PARM1: variants seen among roughly 807,000 people sequenced by gnomAD.
PARM1 encodes WSC4, cell wall integrity and stress response component 4 homolog.
A neutral mutation model predicts 24.6 loss-of-function variants in PARM1; 14 were observed. The observed-to-expected ratio is 0.57, with a 90% CI of 0.38 to 0.89. PARM1 has a LOEUF of 0.89. Among genes scored for constraint, PARM1 ranks in the 40% least tolerant of loss-of-function variants. The probability of loss-of-function intolerance (pLI) is 0.00; values close to 1 mark genes in which losing one functional copy is unlikely to be tolerated. For missense variants in PARM1, 362 were observed against 380.4 expected (o/e 0.95, Z 0.40); for synonymous variants, 179 against 156.6 (o/e 1.14, Z -1.07).
At chr4:75,004,824 G>C (rs1034344042) in intron 1 of PARM1, among the ~76,000 whole-genome samples, 25 of 152,182 alleles carry the variant, frequency 1.6e-4, no homozygotes, top group African/African-American at 5.5e-4. Context: ...GAGACATGGA[G>C]CCCAAACTTC....
At chr4:74,997,916 G>T (rs1722606016) in intron 1 of PARM1, 1 of 152,196 alleles carries the variant, frequency 6.6e-6, no homozygotes, top group African/African-American at 2.4e-5. Context: ...TGCACCAAAC[G>T]TAAAATTATT....
At chr4:74,941,143 A>G (rs769836805) in intron 1 of PARM1, among the ~76,000 whole-genome samples, 4 of 152,234 alleles carry the variant, frequency 2.6e-5, no homozygotes, top group South Asian at 2.1e-4. Flanking sequence ...CTTTTACCAC[A>G]TTCAACTAGT....
chr4:75,005,524 T>C (rs1722754632), intron 1 of PARM1, among the ~76,000 whole-genome samples: 1 of 152,030 alleles, frequency 6.6e-6, no homozygotes, highest in South Asian at 2.1e-4. Flanking sequence ...GAAGGCAGAC[T>C]CTCTACGCTA....
intron 1 of PARM1, among the ~76,000 whole-genome samples, chr4:75,011,524 T>G (rs1722870265): frequency 1.3e-5 from 2 of 152,040 alleles, no homozygotes; most frequent in East Asian, 3.9e-4. Flanking sequence ...TACCTAAAAG[T>G]GAAACCAGGA....
intron 1 of PARM1, among the ~76,000 whole-genome samples, chr4:75,010,784 C>T (rs1360676736): frequency 1.3e-5 from 2 of 152,130 alleles, no homozygotes; most frequent in Non-Finnish European, 2.9e-5. Flanking sequence ...GTGGAAAGCA[C>T]ATTAAAAGGG....
intron 3 of PARM1, 68 bp from the exon 4 acceptor site, chr4:75,046,095 G>C: frequency 6.3e-6 from 6 of 956,486 alleles, no homozygotes; most frequent in Non-Finnish European, 1.0e-5. Context: ...TTCAGTGCAG[G>C]GCATTACGCT....
intron 1 of PARM1, chr4:74,965,533 G>C (rs139098938): frequency 6.6e-6 from 1 of 152,124 alleles, no homozygotes; most frequent in African/African-American, 2.4e-5. Context: ...CCACCTTCCC[G>C]TATGAAATCT....
chr4:74,999,784 C>G (rs190569796), intron 1 of PARM1, among the ~76,000 whole-genome samples: 8 of 152,242 alleles, frequency 5.3e-5, no homozygotes, highest in Admixed American at 4.6e-4. Flanking sequence ...TTTCTAAAAA[C>G]AAAGTGTGGG....
intron 1 of PARM1, among the ~76,000 whole-genome samples, chr4:74,975,289 A>G (rs983056213): frequency 1.3e-5 from 2 of 152,248 alleles, no homozygotes; most frequent in Non-Finnish European, 2.9e-5. Flanking sequence ...AAGACACTGC[A>G]GTTAATGAGA....
intron 1 of PARM1, among the ~76,000 whole-genome samples, chr4:74,972,078 C>T (rs931583651): frequency 6.6e-6 from 1 of 152,208 alleles, no homozygotes; most frequent in Non-Finnish European, 1.5e-5. Context: ...ACAACATGCA[C>T]GCCCTGTCTC....
intron 1 of PARM1, chr4:74,957,280 T>A (rs774741144): frequency 1.3e-5 from 2 of 152,220 alleles, no homozygotes; most frequent in Non-Finnish European, 1.5e-5. Context: ...ACACCCACAT[T>A]TGAACTCAGG....
intron 1 of PARM1, among the ~76,000 whole-genome samples, chr4:74,977,203 A>G (rs1442524995): frequency 6.6e-6 from 1 of 152,236 alleles, no homozygotes; most frequent in African/African-American, 2.4e-5. Context: ...AAACAAGCTA[A>G]GAATCATGAT....
intron 1 of PARM1, among the ~76,000 whole-genome samples, chr4:74,991,547 A>G (rs1024657919): frequency 1.3e-5 from 2 of 152,148 alleles, no homozygotes; most frequent in African/African-American, 4.8e-5. Context: ...CCTGAAGAGG[A>G]TTCCTTTCAA....
At chr4:74,951,925 T>A (rs1010097009) in intron 1 of PARM1, among the ~76,000 whole-genome samples, 1 of 152,244 alleles carries the variant, frequency 6.6e-6, no homozygotes. Context: ...TATAGTAGAA[T>A]GATTTATAAT....
intron 1 of PARM1, among the ~76,000 whole-genome samples, chr4:74,936,448 TG>T (rs374423565): frequency 7.6e-4 from 96 of 125,922 alleles, no homozygotes; most frequent in African/African-American, 2.2e-3. Flanking sequence ...GTTTTTTTTT[TG>T]TTTGTTTTTT....
intron 1 of PARM1, among the ~76,000 whole-genome samples, chr4:74,937,036 C>T (rs1216642403): frequency 6.6e-6 from 1 of 152,108 alleles, no homozygotes; most frequent in African/African-American, 2.4e-5. Flanking sequence ...GCTAGATTCC[C>T]AGTCTGCCAC....
intron 1 of PARM1, among the ~76,000 whole-genome samples, chr4:74,979,182 G>A (rs1474233317): frequency 6.6e-6 from 1 of 151,256 alleles, no homozygotes; most frequent in African/African-American, 2.4e-5. Flanking sequence ...ATGAATCCAG[G>A]AGCTGTTCTT....
At chr4:75,030,023 T>C (rs1560797608) in intron 2 of PARM1, among the ~76,000 whole-genome samples, 2 of 152,142 alleles carry the variant, frequency 1.3e-5, no homozygotes. Context: ...AGATGCAAGA[T>C]GGCCATGAAT....
intron 2 of PARM1, among the ~76,000 whole-genome samples, chr4:75,017,543 C>T (rs1020418083): frequency 7.2e-5 from 11 of 152,240 alleles, no homozygotes; most frequent in Non-Finnish European, 1.5e-4. Flanking sequence ...CTCACTCCCC[C>T]ATCTGAAATA....
Sources: gnomAD v4.1 joint callset for allele counts (sites outside exome capture counted in the v4.1 genomes callset) on GRCh38, gnomAD v4.1.1 for gene constraint, MANE v1.5 for transcripts, NCBI Gene and HGNC (gene_info 2026-07-23, HGNC 2026-07-21) for gene names.